The following PCDHA3 variants were observed in gnomAD, a reference collection of about 807,000 sequenced individuals.
The protein encoded by PCDHA3 is protocadherin alpha 3.
Under a neutral mutation model 62.2 loss-of-function variants are expected in PCDHA3, and 41 were observed. The observed-to-expected ratio is 0.66, with a 90% CI of 0.51 to 0.86. The LOEUF is 0.86. Ranked by LOEUF, PCDHA3 falls within the 40% of genes least tolerant of loss-of-function variation. PCDHA3 has a pLI of 0.00. For synonymous variants in PCDHA3, 640 were observed against 555.4 expected (o/e 1.15, Z -2.14); for missense variants, 1,304 against 1,241.2 (o/e 1.05, Z -0.76).
chr5:140,844,047 C>A (rs2150368498), intron 1 of PCDHA3, among the ~76,000 whole-genome samples: 1 of 149,488 alleles, frequency 6.7e-6, no homozygotes, highest in African/African-American at 2.5e-5. Context: ...TGAAAGTATT[C>A]CCCCAAAGCG....
intron 1 of PCDHA3, chr5:140,851,160 A>G: frequency 7.7e-7 from 1 of 1,297,140 alleles, no homozygotes; most frequent in Non-Finnish European, 9.9e-7. Context: ...TTCTGATGCT[A>G]TGCTGCCATA....
At chr5:140,991,716 A>G (rs1287772391) in intron 3 of PCDHA3, among the ~76,000 whole-genome samples, 1 of 152,164 alleles carries the variant, frequency 6.6e-6, no homozygotes, top group East Asian at 1.9e-4. Flanking sequence ...TATTGCTACT[A>G]GCAGCCTGTT....
chr5:140,975,679 A>G (rs1312259048), intron 1 of PCDHA3, among the ~76,000 whole-genome samples: 1 of 152,250 alleles, frequency 6.6e-6, no homozygotes, highest in Non-Finnish European at 1.5e-5. Context: ...TATTAATAAA[A>G]TAGGGTATTT....
rs2150490057 is a variant in PCDHA3, at chr5:140,850,579, A to G, written c.2394+46988A>G. On this transcript the variant is annotated intron_variant, in intron 1 of 3. Transcript: ENST00000522353. ...ACGGGCCCCGAGGTGACGCTGGTGG[A>G]TGTCAACGTGTACCTGATCATCGCC... 24 of 1,598,000 alleles carry G rather than the reference A, an allele frequency of 1.5e-5. 1 individual carries two copies. The East Asian group carries it at 3.6e-4, about 24-fold the overall frequency.
intron 1 of PCDHA3, chr5:140,827,994 C>G: frequency 6.8e-7 from 1 of 1,473,020 alleles, no homozygotes; most frequent in Non-Finnish European, 9.1e-7. Flanking sequence ...TGAATGATGG[C>G]GGACGCAGAA....
chr5:140,834,326 A>T, intron 1 of PCDHA3: 1 of 1,449,926 alleles, frequency 6.9e-7, no homozygotes, highest in Non-Finnish European at 9.4e-7. Context: ...GGATAAAAAC[A>T]TTCCTATAAA....
intron 1 of PCDHA3, among the ~76,000 whole-genome samples, chr5:140,891,369 A>G (rs13168533): frequency 0.051 from 7,710 of 152,068 alleles, 281 homozygotes; most frequent in Non-Finnish European, 0.073. Context: ...AGCAGTATAC[A>G]TTGCACCATA....
chr5:140,825,429 A>G (rs1291872136), intron 1 of PCDHA3: 2 of 147,480 alleles, frequency 1.4e-5, no homozygotes, highest in Non-Finnish European at 3.0e-5. Context: ...TATATAATAA[A>G]TATATAATAA....
chr5:140,842,964 A>G, intron 1 of PCDHA3: 1 of 1,594,990 alleles, frequency 6.3e-7, no homozygotes, highest in East Asian at 2.2e-5. Flanking sequence ...CTGGGCAGCA[A>G]CGTGACGCTG....
intron 1 of PCDHA3, among the ~76,000 whole-genome samples, chr5:140,963,059 A>G (rs1307714661): frequency 6.6e-6 from 1 of 152,162 alleles, no homozygotes; most frequent in Non-Finnish European, 1.5e-5. Context: ...GGGTTTCTAC[A>G]TTGTGAAGGA....
At chr5:140,866,149 T>A (rs1554160036) in intron 1 of PCDHA3, 2 of 152,248 alleles carry the variant, frequency 1.3e-5, no homozygotes, top group Non-Finnish European at 2.9e-5. Context: ...GGAAGTGATA[T>A]AAGTAAGAAT....
chr5:140,924,238 T>A (rs781820581), intron 1 of PCDHA3, among the ~76,000 whole-genome samples: 5 of 152,244 alleles, frequency 3.3e-5, no homozygotes, highest in Admixed American at 1.3e-4. Flanking sequence ...ATGGGCTGTT[T>A]TGCATCCTGG....
intron 2 of PCDHA3, among the ~76,000 whole-genome samples, chr5:140,980,943 T>C (rs573281233): frequency 1.6e-4 from 25 of 152,172 alleles, no homozygotes; most frequent in Non-Finnish European, 3.1e-4. Context: ...CTGAGCTGGC[T>C]CCAGGATAGT....
chr5:140,857,951 G>A (rs569786768), intron 1 of PCDHA3: 8 of 1,597,390 alleles, frequency 5.0e-6, no homozygotes, highest in East Asian at 4.5e-5. Flanking sequence ...TACGACGCGC[G>A]CTCTGGATGA....
chr5:140,947,277 T>C (rs1272482991), intron 1 of PCDHA3, among the ~76,000 whole-genome samples: 3 of 151,662 alleles, frequency 2.0e-5, no homozygotes, highest in African/African-American at 7.2e-5. Context: ...AAATACTTTT[T>C]CTTTTTATTG....
In PCDHA3 at chr5:140,807,042, T is replaced by G. The variant is rs528440968; in HGVS notation, c.2394+3451T>G. 1.2e-4 allele frequency: 119 copies of G among 977,288 alleles called. 2 individuals are homozygous for G. In the South Asian group the frequency reaches 1.9e-3, roughly 16 times the overall value. 60.5% of individuals were successfully genotyped at this position (977,288 alleles called of 1,614,324 possible). A position where few individuals can be genotyped will look rare whatever the true frequency, so the allele number is the denominator to read the frequency against. ...GAGAGAAGGAGGAAGAAGGGAAAAT[T>G]CCTTCTATTCTTACTGGAAGGAACC... On this transcript the variant is annotated intron_variant, in intron 1 of 3. Transcript: ENST00000522353.
At chr5:140,836,301 A>G (rs2150257154) in intron 1 of PCDHA3, 2 of 1,613,612 alleles carry the variant, frequency 1.2e-6, no homozygotes, top group South Asian at 1.1e-5. Context: ...CCTAGATGAG[A>G]CGGACGCACC....
intron 1 of PCDHA3, among the ~76,000 whole-genome samples, chr5:140,894,001 G>A (rs2064275871): frequency 6.6e-6 from 1 of 152,098 alleles, no homozygotes; most frequent in African/African-American, 2.4e-5. Context: ...CAATTGTATG[G>A]TTGGTTCAAA....
At chr5:140,944,171 GT>G (rs1250322343) in intron 1 of PCDHA3, among the ~76,000 whole-genome samples, 1 of 152,008 alleles carries the variant, frequency 6.6e-6, no homozygotes, top group Non-Finnish European at 1.5e-5. Context: ...GCCAAGGCTG[GT>G]TTTTTGTTGG....
Sources: gnomAD v4.1 joint callset for allele counts (sites outside exome capture counted in the v4.1 genomes callset) on GRCh38, gnomAD v4.1.1 for gene constraint, MANE v1.5 for transcripts, NCBI Gene and HGNC (gene_info 2026-07-23, HGNC 2026-07-21) for gene names.